DOCK7: variants seen among roughly 807,000 people sequenced by gnomAD.
The protein encoded by DOCK7 is dedicator of cytokinesis 7, also known as dedicator of cytokinesis protein 7.
In DOCK7, 138 loss-of-function variants were observed where a neutral mutation model predicts 271.0. The observed-to-expected ratio is 0.51, with a 90% CI of 0.44 to 0.59. DOCK7 has a LOEUF of 0.59. DOCK7 is among the 20% of genes least tolerant of loss of function. DOCK7 has a pLI of 0.00. For synonymous variants in DOCK7, 823 were observed against 876.1 expected (o/e 0.94, Z 1.07); for missense variants, 2,066 against 2,592.4 (o/e 0.80, Z 4.41).
intron 14 of DOCK7, chr1:62,604,099 C>T (rs777489479): frequency 1.5e-5 from 24 of 1,613,096 alleles, no homozygotes; most frequent in South Asian, 9.9e-5. Context: ...TGGGAAATCA[C>T]GAAACCAACT....
intron 48 of DOCK7, among the ~76,000 whole-genome samples, chr1:62,469,948 A>T (rs2149248950): frequency 6.6e-6 from 1 of 152,144 alleles, no homozygotes; most frequent in Admixed American, 6.5e-5. Context: ...GATGCGGTAA[A>T]AAGGGAATAC....
Position 62,463,216 on chromosome 1 carries a change from A to G in DOCK7, c.6213-5511T>C, listed in dbSNP as rs141897514. 2.6e-5 allele frequency among the ~76,000 whole-genome samples: 4 copies of G among 152,342 alleles called. No homozygotes were observed. In the East Asian group the frequency reaches 7.7e-4, roughly 29 times the overall value. On this transcript the variant is annotated intron_variant, in intron 48 of 49. Transcript: ENST00000635253. ...TAACAGACACATGAACCTCTTTGGT[A>G]AAGAGATATTCAACCTCTTTGGTAA...
chr1:62,561,033 G>A (rs573173457), intron 19 of DOCK7, among the ~76,000 whole-genome samples: 10 of 152,188 alleles, frequency 6.6e-5, no homozygotes, highest in South Asian at 2.1e-4. Context: ...GAGTCAAAGC[G>A]CAACAGAGAA....
At chr1:62,517,119 C>G (rs568098407) in intron 31 of DOCK7, among the ~76,000 whole-genome samples, 36 of 152,168 alleles carry the variant, frequency 2.4e-4, no homozygotes, top group African/African-American at 8.7e-4. Context: ...CTCTAAATAT[C>G]CTGTGCTATT....
chr1:62,544,945 A>G lies in DOCK7; in HGVS notation c.2859+2T>C. Reference sequence around the variant, plus strand: ...TAAAGAAACCTCTAATATAAACACCACCTGTGTTGATTCTGCACTTGGACT... The same window carrying G: ...TAAAGAAACCTCTAATATAAACACCGCCTGTGTTGATTCTGCACTTGGACT... On this transcript the variant is annotated splice_donor_variant, in intron 23 of 49. Coordinates refer to ENST00000635253, the MANE Select transcript of DOCK7 (RefSeq NM_001367561.1). LOFTEE classifies it high-confidence loss of function. 3 of 1,548,144 alleles carry G rather than the reference A, an allele frequency of 1.9e-6. No individual in the cohort carries two copies. Among genetic ancestry groups the G allele is most frequent in the Non-Finnish European group, 2.6e-6 (3 of 1,145,276 alleles).
intron 41 of DOCK7, among the ~76,000 whole-genome samples, chr1:62,491,731 A>C (rs1399227521): frequency 6.6e-6 from 1 of 152,242 alleles, no homozygotes; most frequent in Non-Finnish European, 1.5e-5. Flanking sequence ...CATCCAATAG[A>C]CAAGATCTAT....
chr1:62,499,332 T>C (rs2149309404), intron 37 of DOCK7, among the ~76,000 whole-genome samples: 1 of 152,242 alleles, frequency 6.6e-6, no homozygotes, highest in Non-Finnish European at 1.5e-5. Flanking sequence ...CAGTATGAGA[T>C]AGCAATTTCC....
Position 62,507,946 on chromosome 1 carries a change from T to G in DOCK7, c.4476+16A>C. The G allele has an allele frequency of 6.2e-7, 1 of 1,606,916 alleles. No homozygotes were observed. The highest frequency in any genetic ancestry group is 8.5e-7 in the Non-Finnish European group (1 of 1,176,292). On this transcript the variant is annotated intron_variant, in intron 35 of 49. Coordinates refer to ENST00000635253, the MANE Select transcript of DOCK7 (RefSeq NM_001367561.1). ...ACCAAATCCGTATTTTAAATTTCTC[T>G]TCTTTGCATTCTTACCTGAACAACA...
chr1:62,577,064 T>G (rs1247346164), intron 18 of DOCK7, among the ~76,000 whole-genome samples, 198 bp downstream of exon 18: 2 of 152,190 alleles, frequency 1.3e-5, no homozygotes, highest in Non-Finnish European at 2.9e-5. Flanking sequence ...AAATGAAATT[T>G]AAATTTAAAT....
chr1:62,498,698 G>A (rs1646693546), intron 37 of DOCK7, among the ~76,000 whole-genome samples: 1 of 150,344 alleles, frequency 6.7e-6, no homozygotes, highest in Admixed American at 6.6e-5. Context: ...TACCAAAGCA[G>A]CCAAGACACA....
chr1:62,678,783 T>A (rs1371636795), intron 1 of DOCK7, among the ~76,000 whole-genome samples: 1 of 151,966 alleles, frequency 6.6e-6, no homozygotes, highest in African/African-American at 2.4e-5. Flanking sequence ...GTAAAAAAAA[T>A]ACTGTATAAC....
chr1:62,656,557 G>A (rs1658038141), intron 2 of DOCK7, among the ~76,000 whole-genome samples: 4 of 152,142 alleles, frequency 2.6e-5, no homozygotes. Context: ...CTGGAAAGAT[G>A]AAGTAGAAGT....
intron 7 of DOCK7, among the ~76,000 whole-genome samples, chr1:62,642,286 T>C (rs1656127846): frequency 6.6e-6 from 1 of 152,022 alleles, no homozygotes. Flanking sequence ...TTTTTTGTAT[T>C]TTTAGTGGAG....
In DOCK7 at chr1:62,455,143, C is replaced by A; in HGVS notation, c.*271G>T. ...AACTTAAAGTGAATAAATTTTTAACCTTAGCTATGGTATAAATAATGGTAA... is the reference window on the plus strand; with the variant it reads ...AACTTAAAGTGAATAAATTTTTAACATTAGCTATGGTATAAATAATGGTAA... On this transcript the variant is annotated 3_prime_UTR_variant, in exon 50 of 50. Transcript: ENST00000635253. 7 of 532,176 alleles carry A rather than the reference C, an allele frequency of 1.3e-5. No homozygotes were observed. Among genetic ancestry groups the A allele is most frequent in the South Asian group, 2.9e-5 (1 of 34,488 alleles). 33.0% of individuals were successfully genotyped at this position (532,176 alleles called of 1,614,324 possible).
chr1:62,532,575 T>A (rs1285439312), intron 29 of DOCK7, among the ~76,000 whole-genome samples: 1 of 152,172 alleles, frequency 6.6e-6, no homozygotes, highest in Admixed American at 6.5e-5. Flanking sequence ...ACTCAAGCAG[T>A]CCTCCTGCCT....
chr1:62,589,448 T>C (rs922710082), intron 14 of DOCK7, among the ~76,000 whole-genome samples: 9 of 152,272 alleles, frequency 5.9e-5, no homozygotes, highest in African/African-American at 4.8e-5. Context: ...TTTTCTGTTA[T>C]GACAAGACGT....
intron 7 of DOCK7, among the ~76,000 whole-genome samples, chr1:62,644,417 C>T (rs555074268): frequency 6.6e-6 from 1 of 152,188 alleles, no homozygotes; most frequent in Non-Finnish European, 1.5e-5. Context: ...TGGTGTTAGG[C>T]ATTTATGCAG....
intron 12 of DOCK7, among the ~76,000 whole-genome samples, chr1:62,624,248 A>G (rs1329048743): frequency 6.6e-6 from 1 of 152,060 alleles, no homozygotes; most frequent in African/African-American, 2.4e-5. Flanking sequence ...GAGGGGGGGA[A>G]CGACTCCCTA....
chr1:62,584,952 A>C (rs1647322990), intron 15 of DOCK7: 1 of 635,672 alleles, frequency 1.6e-6, no homozygotes. Context: ...AGATTATTCT[A>C]CATATATTAC....
Sources: gnomAD v4.1 joint callset for allele counts (sites outside exome capture counted in the v4.1 genomes callset) on GRCh38, gnomAD v4.1.1 for gene constraint, MANE v1.5 for transcripts, NCBI Gene and HGNC (gene_info 2026-07-23, HGNC 2026-07-21) for gene names.